The following SLC8B1 variants were observed in gnomAD, a reference collection of about 807,000 sequenced individuals.
SLC8B1 encodes mitochondrial sodium/calcium exchanger protein.
In SLC8B1, 52 loss-of-function variants were observed where a neutral mutation model predicts 63.4. The observed-to-expected ratio is 0.82, with a 90% CI of 0.66 to 1.03. The LOEUF (loss-of-function observed/expected upper bound fraction) is 1.03, where lower values mean the gene tolerates loss of function less well. Ranked by LOEUF, SLC8B1 falls within the 50% of genes least tolerant of loss-of-function variation. The pLI is 0.00. For missense variants in SLC8B1, 657 were observed against 741.7 expected (o/e 0.89, Z 1.33); for synonymous variants, 336 against 323.9 (o/e 1.04, Z -0.40).
Position 113,310,245 on chromosome 12 carries a change from TG to T in SLC8B1, c.1245del (p.Arg416GlyfsTer12), listed in dbSNP as rs750395022. On this transcript the variant is annotated frameshift_variant, in exon 12 of 16. Transcript: ENST00000680972. LOFTEE classifies it high-confidence loss of function. ...CCCGGGCTTCTTACCCAGTGAAGCC[TG>T]GGGGGCTGGCTGTCAGATGTGGCAA... ...TFFATSDSQP[P>X]RLHWLFAFLG... 1 of 1,613,578 alleles carries T rather than the reference TG, an allele frequency of 6.2e-7. No individual in the cohort carries two copies. Among genetic ancestry groups the T allele is most frequent in the Admixed American group, 1.7e-5 (1 of 59,938 alleles).
At position 113,315,357 on chromosome 12, in the gene SLC8B1, G is replaced by T; in HGVS notation, c.1113C>A (p.Val371=). ...CACAGGTCCCCGACTGCAGGGTCAG[G>T]ACCACAACCAGGGGGCTGATAACCA... is the stretch of plus-strand genomic sequence containing the variant. ...LHLVISPLVV[V]LTLQSGTYGV... is the part of the protein sequence containing the mutation. The change falls in exon 11 of 16, where the codon GTC becomes GTA. Residue 371 remains valine, a synonymous_variant. Coordinates refer to ENST00000680972, the MANE Select transcript of SLC8B1 (RefSeq NM_001358345.2). 1 of 1,552,224 alleles carries T rather than the reference G, an allele frequency of 6.4e-7. No homozygotes were observed. The highest frequency in any genetic ancestry group is 1.2e-5 in the South Asian group (1 of 83,694).
In SLC8B1 at chr12:113,324,324, C is replaced by CA. The variant is rs201738379; in HGVS notation, c.157-2977dup. Among the ~76,000 whole-genome samples the CA allele has an allele frequency of 5.4e-3, 700 of 129,560 alleles. 8 individuals are homozygous for CA. Among genetic ancestry groups the CA allele is most frequent in the African/African-American group, 0.021 (642 of 30,916 alleles). 85.0% of individuals were successfully genotyped at this position (129,560 alleles called of 152,430 possible). On this transcript the variant is annotated intron_variant, in intron 2 of 15. Transcript: ENST00000680972. ...CAAGCCTGTCTCAAAAAAAAACAAA[C>CA]AAACAAAAAAAAAAACTTTTCTTTT...
chr12:113,318,745 A>G (rs1037378984), intron 8 of SLC8B1, among the ~76,000 whole-genome samples: 2 of 152,122 alleles, frequency 1.3e-5, no homozygotes, highest in Admixed American at 6.5e-5. Flanking sequence ...AACTGCATAG[A>G]GAGAAGGAAG....
intron 11 of SLC8B1, among the ~76,000 whole-genome samples, chr12:113,312,900 A>G (rs924043421): frequency 6.6e-6 from 1 of 151,860 alleles, no homozygotes; most frequent in Admixed American, 6.6e-5. Flanking sequence ...AAGGTGGTTT[A>G]CTTTTTTTTT....
chr12:113,324,495 C>G (rs1218081725), intron 2 of SLC8B1, among the ~76,000 whole-genome samples: 1 of 150,888 alleles, frequency 6.6e-6, no homozygotes, highest in African/African-American at 2.4e-5. Context: ...AAACCTCCAC[C>G]TCTCGGGTTC....
intron 8 of SLC8B1, among the ~76,000 whole-genome samples, 200 bp downstream of exon 8, chr12:113,318,764 T>C (rs918715708): frequency 6.6e-6 from 1 of 152,164 alleles, no homozygotes; most frequent in Non-Finnish European, 1.5e-5. Context: ...AGGAGTGCAC[T>C]TGAGCCTGCA....
rs1484769440 is a variant in SLC8B1 at position 113,305,024 on chromosome 12, T to TG, written c.1493-640dup. Among the ~76,000 whole-genome samples, 1 of 152,254 alleles carries TG rather than the reference T, an allele frequency of 6.6e-6. No individual in the cohort carries two copies. The highest frequency in any genetic ancestry group is 1.5e-5 in the Non-Finnish European group (1 of 68,050). On this transcript the variant is annotated intron_variant, in intron 14 of 15. Transcript: ENST00000680972. This position sits in a 1 kb window ranked among gnomAD's most constrained non-coding sequence, Gnocchi z 4.3. ...AAGAAGATGGGTGCTGAGTAAGTGTTGCAGTCAGTCTCTAAGGATCGAACA... is the reference window on the plus strand; with the variant it reads ...AAGAAGATGGGTGCTGAGTAAGTGTTGGCAGTCAGTCTCTAAGGATCGAACA...
At chr12:113,313,094 C>T (rs1406831357) in intron 11 of SLC8B1, among the ~76,000 whole-genome samples, 3 of 152,112 alleles carry the variant, frequency 2.0e-5, no homozygotes, top group Non-Finnish European at 2.9e-5. Flanking sequence ...TTAATAGAGA[C>T]GAGGTTTCAT....
At chr12:113,324,331 A>AC (rs1334659936) in intron 2 of SLC8B1, among the ~76,000 whole-genome samples, 1 of 151,648 alleles carries the variant, frequency 6.6e-6, no homozygotes, top group East Asian at 1.9e-4. Context: ...AAACAAACAA[A>AC]AAAAAAAACT....
intron 15 of SLC8B1, among the ~76,000 whole-genome samples, chr12:113,303,496 T>C (rs1317784727): frequency 2.6e-5 from 4 of 152,032 alleles, no homozygotes; most frequent in Non-Finnish European, 4.4e-5. Context: ...CCCCAGGCCA[T>C]CTCTTCCTCC....
chr12:113,315,431 G>GAGTTTTCA lies in SLC8B1; in HGVS notation c.1038_1039insTGAAAACT (p.Pro347Ter), dbSNP rs1956822379. ...TTCCAGTTCTGGTCATCCTTGTCCGGGTCCACGACGGGGACTGTGAGGAGC... is the reference window on the plus strand; with the variant it reads ...TTCCAGTTCTGGTCATCCTTGTCCGGAGTTTTCAGTCCACGACGGGGACTGTGAGGAGC... On this transcript the variant is annotated stop_gained and frameshift_variant, in exon 11 of 16. Coordinates refer to ENST00000680972, the MANE Select transcript of SLC8B1 (RefSeq NM_001358345.2). LOFTEE classifies it high-confidence loss of function. 1.9e-6 allele frequency: 3 copies of GAGTTTTCA among 1,600,528 alleles called. No individual in the cohort carries two copies. The highest frequency in any genetic ancestry group is 2.6e-6 in the Non-Finnish European group (3 of 1,174,192).
intron 15 of SLC8B1, among the ~76,000 whole-genome samples, chr12:113,303,006 C>A (rs1401228829): frequency 1.3e-5 from 2 of 151,616 alleles, no homozygotes; most frequent in South Asian, 4.2e-4. Context: ...GGTAGACACA[C>A]GCGCACACAC....
In SLC8B1 at chr12:113,306,543, C is replaced by A; in HGVS notation, c.1444G>T (p.Gly482Cys). ...GCGGAGAACGCCATCCGTGGGTAGC[C>A]CTGGCGAGCCAGTGTGAAATCCGAG... is the stretch of plus-strand genomic sequence containing the variant. ...AFSDFTLARQ[G>C]YPRMAFSACF... The change falls in exon 14 of 16, where the codon GGC (glycine) becomes TGC (cysteine). Residue 482 changes from glycine to cysteine, a missense_variant. Coordinates refer to ENST00000680972, the MANE Select transcript of SLC8B1 (RefSeq NM_001358345.2). The A allele has an allele frequency of 6.2e-7, 1 of 1,613,988 alleles. No homozygotes were observed. The highest frequency in any genetic ancestry group is 8.5e-7 in the Non-Finnish European group (1 of 1,179,964).
intron 15 of SLC8B1, chr12:113,302,806 CACA>C: frequency 2.2e-6 from 1 of 448,860 alleles, no homozygotes; most frequent in South Asian, 1.6e-5. Flanking sequence ...TGCCATATTA[CACA>C]CGCCTGTGGA....
chr12:113,333,472 G>A (rs750206269), intron 1 of SLC8B1, among the ~76,000 whole-genome samples: 1 of 152,214 alleles, frequency 6.6e-6, no homozygotes, highest in Non-Finnish European at 1.5e-5. Context: ...GTCTTACAAG[G>A]AGCCAAGCTT....
chr12:113,315,628 C>A, intron 10 of SLC8B1, 152 bp from the exon 11 acceptor site: 1 of 900,286 alleles, frequency 1.1e-6, no homozygotes. Context: ...TTGCCTCTGG[C>A]TACTGGGACA....
At position 113,300,043 on chromosome 12, in the gene SLC8B1, CACAACAATGCAGCCTCA is replaced by C. The variant is rs879522753; in HGVS notation, c.1558-86_1558-70del. 3,032 of 1,389,736 alleles carry C rather than the reference CACAACAATGCAGCCTCA, an allele frequency of 2.2e-3. 10 individuals are homozygous for C. Among genetic ancestry groups the C allele is most frequent in the African/African-American group, 9.4e-3 (659 of 70,274 alleles). 86.1% of individuals were successfully genotyped at this position (1,389,736 alleles called of 1,614,324 possible). ...CAGGCCCCGCCCCGTCTGTGGCCAACACAACAATGCAGCCTCAACAACAATGCAGCCTCAACAACAAT... is the reference window on the plus strand; with the variant it reads ...CAGGCCCCGCCCCGTCTGTGGCCAACACAACAATGCAGCCTCAACAACAAT... On this transcript the variant is annotated intron_variant, in intron 15 of 15. Transcript: ENST00000680972.
intron 8 of SLC8B1, 21 bp downstream of exon 8, chr12:113,318,943 G>C (rs1956882332): frequency 6.9e-6 from 11 of 1,603,166 alleles, no homozygotes; most frequent in Non-Finnish European, 9.4e-6. Flanking sequence ...GTCCTCTCTG[G>C]GGTCCGATGC....
chr12:113,320,977 C>T lies in SLC8B1; in HGVS notation c.363-70G>A. The stretch of plus-strand genomic sequence containing the variant: ...CCCGGACCCCTATCCTTCCCCCAAA[C>T]TGAGGGTGACCGAATGTCAGCCTCC... On this transcript the variant is annotated intron_variant, in intron 4 of 15. Transcript: ENST00000680972. This position sits in a 1 kb window ranked among gnomAD's most constrained non-coding sequence, Gnocchi z 5.3. The T allele has an allele frequency of 6.3e-7, 1 of 1,590,572 alleles. No homozygotes were observed. Among genetic ancestry groups the T allele is most frequent in the Non-Finnish European group, 8.6e-7 (1 of 1,169,036 alleles).
Sources: gnomAD v4.1 joint callset for allele counts (sites outside exome capture counted in the v4.1 genomes callset) on GRCh38, gnomAD v4.1.1 for gene constraint, Gnocchi (gnomAD v3.1) non-coding constraint, MANE v1.5 for transcripts, NCBI Gene and HGNC (gene_info 2026-07-23, HGNC 2026-07-21) for gene names.